SPAG16: variants seen among roughly 807,000 people sequenced by gnomAD.
The protein encoded by SPAG16 is sperm associated antigen 16, also known as sperm-associated antigen 16 protein.
SPAG16 carries 86 observed loss-of-function variants against 80.4 expected under a neutral mutation model. That is an observed-to-expected ratio of 1.07 (90% CI 0.90 to 1.28). The LOEUF is 1.28. Ranked by LOEUF, SPAG16 falls within the 50% of genes most tolerant of loss-of-function variation. The pLI, the probability that SPAG16 is intolerant of heterozygous loss-of-function variation, is 0.00. For missense variants in SPAG16, 870 were observed against 765.3 expected (o/e 1.14, Z -1.61); for synonymous variants, 294 against 265.9 (o/e 1.11, Z -1.03).
At position 213,375,116 on chromosome 2, in the gene SPAG16, A is replaced by G; in HGVS notation, c.939A>G (p.Thr313=). The G allele has an allele frequency of 1.9e-6, 3 of 1,598,868 alleles. No individual in the cohort carries two copies. The highest frequency in any genetic ancestry group is 1.1e-5 in the South Asian group (1 of 89,048). Residue 313 remains threonine (T), a synonymous_variant, in exon 9 of 16, where the codon ACA becomes ACG. Coordinates refer to ENST00000331683, the MANE Select transcript of SPAG16 (RefSeq NM_024532.5). ...NKCKTKMKGN[T]KDSEFPIDMQ... is the part of the protein sequence containing the mutation. ...GTAAAACAAAGATGAAAGGCAATAC[A>G]AAGGTATGATATTTGTTTTTGTTTG...
intron 10 of SPAG16, among the ~76,000 whole-genome samples, chr2:213,772,281 CACATTGA>C (rs1040108584): frequency 1.3e-5 from 2 of 152,026 alleles, no homozygotes; most frequent in African/African-American, 4.8e-5. Flanking sequence ...ATGATTTTTG[CACATTGA>C]TTTTGTACCC....
chr2:213,948,729 T>G (rs1184731127), intron 12 of SPAG16, among the ~76,000 whole-genome samples: 2 of 152,204 alleles, frequency 1.3e-5, no homozygotes, highest in African/African-American at 4.8e-5. Flanking sequence ...GATGCCATAT[T>G]ATTTTATTCT....
At chr2:213,560,493 T>C (rs1231813169) in intron 10 of SPAG16, among the ~76,000 whole-genome samples, 2 of 152,092 alleles carry the variant, frequency 1.3e-5, no homozygotes, top group African/African-American at 4.8e-5. Flanking sequence ...AATTTTAATA[T>C]AGGGACATGG....
At chr2:214,111,698 G>T (rs1385457725) in intron 14 of SPAG16, among the ~76,000 whole-genome samples, 1 of 151,504 alleles carries the variant, frequency 6.6e-6, no homozygotes, top group Non-Finnish European at 1.5e-5. Flanking sequence ...GGACGGCATT[G>T]AATCCATAAA....
chr2:214,358,136 T>C (rs1385605054), intron 15 of SPAG16, among the ~76,000 whole-genome samples: 1 of 151,956 alleles, frequency 6.6e-6, no homozygotes, highest in Non-Finnish European at 1.5e-5. Flanking sequence ...GTGGGTACTA[T>C]TCACATTGTG....
At chr2:213,292,676 CAAA>C (rs998635935) in intron 1 of SPAG16, among the ~76,000 whole-genome samples, 1 of 90,028 alleles carries the variant, frequency 1.1e-5, no homozygotes, top group Non-Finnish European at 2.4e-5. Flanking sequence ...AAAAAAAAAA[CAAA>C]AAAAACAAAA....
At chr2:213,322,095 TAAAA>T (rs558587900) in intron 5 of SPAG16, among the ~76,000 whole-genome samples, 158 of 147,794 alleles carry the variant, frequency 1.1e-3, no homozygotes, top group Admixed American at 1.6e-3. Context: ...AATAAATAAA[TAAAA>T]AAAAGTAAAA....
intron 12 of SPAG16, among the ~76,000 whole-genome samples, chr2:214,005,461 C>T (rs1026424159): frequency 2.0e-5 from 3 of 152,094 alleles, no homozygotes; most frequent in Admixed American, 6.5e-5. Context: ...TTTTTATCAT[C>T]GAGGGTTTTG....
At chr2:213,614,151 G>A (rs181401418) in intron 10 of SPAG16, among the ~76,000 whole-genome samples, 34 of 152,316 alleles carry the variant, frequency 2.2e-4, no homozygotes, top group Non-Finnish European at 4.6e-4. Context: ...ATGTAAGGGA[G>A]AGTAGAACAT....
intron 15 of SPAG16, among the ~76,000 whole-genome samples, chr2:214,177,141 C>A (rs560746560): frequency 1.7e-4 from 25 of 151,134 alleles, no homozygotes; most frequent in African/African-American, 5.8e-4. Context: ...AAACTAAAAC[C>A]ATTTTTCTTG....
intron 15 of SPAG16, among the ~76,000 whole-genome samples, chr2:214,403,008 G>A (rs1458574465): frequency 6.7e-6 from 1 of 149,780 alleles, no homozygotes; most frequent in African/African-American, 2.5e-5. Flanking sequence ...AGTAAGGGCA[G>A]CTGAATCAAA....
At chr2:213,341,679 A>G (rs771078325) in intron 6 of SPAG16, among the ~76,000 whole-genome samples, 69 of 152,054 alleles carry the variant, frequency 4.5e-4, no homozygotes, top group Non-Finnish European at 8.7e-4. Flanking sequence ...CTACAGGTGC[A>G]TGCCACCATA....
intron 10 of SPAG16, among the ~76,000 whole-genome samples, chr2:213,727,063 T>C (rs757908254): frequency 3.3e-5 from 5 of 152,204 alleles, no homozygotes; most frequent in Non-Finnish European, 5.9e-5. Context: ...TATTATCAAA[T>C]CACGATCCCC....
chr2:214,023,504 T>A (rs558670663), intron 13 of SPAG16, among the ~76,000 whole-genome samples: 1 of 151,948 alleles, frequency 6.6e-6, no homozygotes, highest in Admixed American at 6.6e-5. Flanking sequence ...TAACTTAAGG[T>A]ATAAGTACAT....
At chr2:213,341,471 T>G (rs747683427) in intron 6 of SPAG16, among the ~76,000 whole-genome samples, 5 of 152,174 alleles carry the variant, frequency 3.3e-5, no homozygotes, top group Non-Finnish European at 5.9e-5. Flanking sequence ...ATGTTTACCT[T>G]ATTTTTCTGT....
intron 6 of SPAG16, among the ~76,000 whole-genome samples, chr2:213,342,142 A>C (rs2064716076): frequency 6.6e-6 from 1 of 151,892 alleles, no homozygotes; most frequent in African/African-American, 2.4e-5. Context: ...TATTTTCTTT[A>C]AAATTCTTCA....
intron 13 of SPAG16, among the ~76,000 whole-genome samples, chr2:214,020,051 A>C (rs376732463): frequency 6.6e-6 from 1 of 152,174 alleles, no homozygotes; most frequent in East Asian, 1.9e-4. Context: ...TTTACCTATA[A>C]AATCTACATA....
At chr2:213,788,105 G>T (rs2070455789) in intron 10 of SPAG16, among the ~76,000 whole-genome samples, 1 of 151,928 alleles carries the variant, frequency 6.6e-6, no homozygotes. Context: ...ATTTAGGTTT[G>T]ACTCAGCAGT....
chr2:213,773,251 G>T (rs2069366909), intron 10 of SPAG16, among the ~76,000 whole-genome samples: 1 of 152,086 alleles, frequency 6.6e-6, no homozygotes, highest in Non-Finnish European at 1.5e-5. Flanking sequence ...CTCAGCATTT[G>T]TGAGTTTTTT....
Sources: allele counts gnomAD v4.1 joint callset (sites outside exome capture counted in the v4.1 genomes callset), GRCh38; gene constraint gnomAD v4.1.1; transcripts MANE v1.5; gene names NCBI Gene and HGNC (gene_info 2026-07-23, HGNC 2026-07-21).